The following ADGRG7 variants were observed in gnomAD, a reference collection of about 807,000 sequenced individuals.
The protein encoded by ADGRG7 is adhesion G protein-coupled receptor G7.
A neutral mutation model predicts 88.6 loss-of-function variants in ADGRG7; 82 were observed. The ratio of observed to expected loss-of-function variants is 0.93; its 90% CI spans 0.77 to 1.11. The LOEUF (loss-of-function observed/expected upper bound fraction) is 1.11, where lower values mean the gene tolerates loss of function less well. ADGRG7 is among the 50% of genes most tolerant of loss of function. The pLI is 0.00. For synonymous variants in ADGRG7, 381 were observed against 345.2 expected, an observed-to-expected ratio of 1.10 and a Z score of -1.15; for missense variants, 945 against 953.4, an observed-to-expected ratio of 0.99 and a Z score of 0.12.
At chr3:100,664,992 G>A (rs531651815) in intron 14 of ADGRG7, 4 of 400,492 alleles carry the variant, frequency 1.0e-5, no homozygotes, top group Middle Eastern at 8.9e-4. Flanking sequence ...AAGTATTTAT[G>A]TCTGGTTCCA....
At chr3:100,662,653 C>T (rs2094947001) in intron 14 of ADGRG7, among the ~76,000 whole-genome samples, 2 of 151,972 alleles carry the variant, frequency 1.3e-5, no homozygotes, top group Admixed American at 1.3e-4. Flanking sequence ...CTATGCAGAA[C>T]TTATGCAAGG....
intron 1 of ADGRG7, among the ~76,000 whole-genome samples, chr3:100,611,287 CCT>C (rs1707147656): frequency 6.9e-6 from 1 of 144,430 alleles, no homozygotes; most frequent in African/African-American, 2.7e-5. Flanking sequence ...TTCCTTCCTT[CCT>C]TCCTTCCTTC....
intron 2 of ADGRG7, 29 bp downstream of exon 2, chr3:100,629,740 T>G (rs762136497): frequency 7.1e-7 from 1 of 1,416,318 alleles, no homozygotes; most frequent in South Asian, 1.2e-5. Flanking sequence ...TGCTAAAGTG[T>G]AAGGTTTACG....
chr3:100,637,485 T>C, intron 6 of ADGRG7, 83 bp downstream of exon 6: 1 of 899,702 alleles, frequency 1.1e-6, no homozygotes, highest in Non-Finnish European at 1.8e-6. Context: ...GAGATATCTT[T>C]ATTTCTCTCA....
intron 15 of ADGRG7, among the ~76,000 whole-genome samples, chr3:100,683,922 T>G (rs2094977602): frequency 6.6e-6 from 1 of 152,250 alleles, no homozygotes. Context: ...CTATTAATTT[T>G]TCTTCTGACT....
chr3:100,647,790 A>T (rs1286657256), intron 10 of ADGRG7, among the ~76,000 whole-genome samples: 3 of 152,158 alleles, frequency 2.0e-5, no homozygotes, highest in African/African-American at 7.2e-5. Context: ...TCTTCTCCTT[A>T]GTAAGGGACT....
chr3:100,691,930 G>A (rs1039220112), intron 15 of ADGRG7, among the ~76,000 whole-genome samples: 1 of 152,114 alleles, frequency 6.6e-6, no homozygotes, highest in Admixed American at 6.5e-5. Context: ...TTTCACAGTA[G>A]ATAACATCTT....
chr3:100,666,396 CAT>C (rs766943430), intron 14 of ADGRG7, among the ~76,000 whole-genome samples: 1 of 152,144 alleles, frequency 6.6e-6, no homozygotes, highest in Non-Finnish European at 1.5e-5. Flanking sequence ...AGCAGACAAA[CAT>C]GTGAACAAAG....
intron 15 of ADGRG7, among the ~76,000 whole-genome samples, chr3:100,679,423 G>A (rs951410440): frequency 6.6e-6 from 1 of 152,172 alleles, no homozygotes; most frequent in Non-Finnish European, 1.5e-5. Flanking sequence ...GACCCCAAGA[G>A]CCTGCTTGGT....
intron 4 of ADGRG7, among the ~76,000 whole-genome samples, chr3:100,635,008 C>CACAT (rs1045981503): frequency 6.6e-6 from 1 of 151,478 alleles, no homozygotes; most frequent in Non-Finnish European, 1.5e-5. Context: ...AAGACACACA[C>CACAT]ACACACACAC....
At chr3:100,673,436 T>G (rs1285284752) in intron 15 of ADGRG7, among the ~76,000 whole-genome samples, 1 of 151,478 alleles carries the variant, frequency 6.6e-6, no homozygotes, top group Non-Finnish European at 1.5e-5. Context: ...TTTTTTACCA[T>G]GTCTGTTTGA....
In ADGRG7 at chr3:100,656,003, T is replaced by C; in HGVS notation, c.1823+8T>C. 2 of 1,548,852 alleles carry C rather than the reference T, an allele frequency of 1.3e-6. No homozygotes were observed. The highest frequency in any genetic ancestry group is 1.8e-6 in the Non-Finnish European group (2 of 1,121,030). ...CTACCGGCAAGAGAAAATGTGAGTT[T>C]ATATTTTTTTAAATGTCCAATTGTT... On this transcript the variant is annotated splice_region_variant and intron_variant, in intron 13 of 15. Coordinates refer to ENST00000273352, the MANE Select transcript of ADGRG7 (RefSeq NM_032787.3).
chr3:100,659,748 C>G lies in ADGRG7; in HGVS notation c.1884C>G (p.Phe628Leu). 6.2e-7 allele frequency: 1 copy of G among 1,614,008 alleles called. No homozygotes were observed. The highest frequency in any genetic ancestry group is 1.3e-5 in the African/African-American group (1 of 75,014). Residue 628 changes from phenylalanine (F) to leucine (L), a missense_variant, in exon 14 of 16, where the codon TTC (phenylalanine) becomes TTG (leucine). Coordinates refer to ENST00000273352, the MANE Select transcript of ADGRG7 (RefSeq NM_032787.3). ...GVIKSPLLWS[F>L]IVPVTIILIS... ...TAAAAAGTCCGCTGTTGTGGTCATT[C>G]ATCGTACCTGTAACCATTATCCTCA... is the stretch of plus-strand genomic sequence containing the variant.
chr3:100,637,681 G>T (rs1220570149), intron 6 of ADGRG7: 3 of 345,880 alleles, frequency 8.7e-6, no homozygotes, highest in Non-Finnish European at 1.6e-5. Flanking sequence ...CCTTAGTTTG[G>T]CATGACCAAG....
chr3:100,642,821 A>G (rs1707666963), intron 6 of ADGRG7, among the ~76,000 whole-genome samples: 4 of 152,230 alleles, frequency 2.6e-5, no homozygotes, highest in Admixed American at 2.6e-4. Flanking sequence ...TCAGGAACGA[A>G]CAACTTACAA....
At chr3:100,621,570 A>G (rs909925096) in intron 1 of ADGRG7, among the ~76,000 whole-genome samples, 1 of 152,230 alleles carries the variant, frequency 6.6e-6, no homozygotes, top group Non-Finnish European at 1.5e-5. Flanking sequence ...AGGCTGAGAG[A>G]GTTGAGAAAA....
At position 100,619,579 on chromosome 3, in the gene ADGRG7, A is replaced by G. The variant is rs191114603; in HGVS notation, c.115+9608A>G. On this transcript the variant is annotated intron_variant, in intron 1 of 15. Coordinates refer to ENST00000273352, the MANE Select transcript of ADGRG7 (RefSeq NM_032787.3). ...GATCAGAGCAGAACTGAAGGAAATA[A>G]AGACACAAAAAACCCTTCAAAAAAT... Among the ~76,000 whole-genome samples, 525 of 152,170 alleles carry G rather than the reference A, an allele frequency of 3.5e-3. 3 individuals carry two copies. The highest frequency in any genetic ancestry group is 0.012 in the African/African-American group (503 of 41,540).
chr3:100,667,064 A>G (rs921565799), intron 14 of ADGRG7, among the ~76,000 whole-genome samples: 4 of 152,138 alleles, frequency 2.6e-5, no homozygotes, highest in Non-Finnish European at 5.9e-5. Flanking sequence ...ATACAGACAC[A>G]GTAACAATCT....
chr3:100,679,780 G>A (rs2149039385), intron 15 of ADGRG7, among the ~76,000 whole-genome samples: 1 of 152,228 alleles, frequency 6.6e-6, no homozygotes, highest in South Asian at 2.1e-4. Context: ...TATGTAAGGG[G>A]TTCATGGCAA....
Sources: gnomAD v4.1 joint callset for allele counts (sites outside exome capture counted in the v4.1 genomes callset) on GRCh38, gnomAD v4.1.1 for gene constraint, MANE v1.5 for transcripts, NCBI Gene and HGNC (gene_info 2026-07-23, HGNC 2026-07-21) for gene names.